The following CR1 variants were observed in gnomAD, a reference collection of about 807,000 sequenced individuals.
CR1 encodes the protein complement C3b/C4b receptor 1 (Knops blood group).
CR1 carries 116 observed loss-of-function variants against 187.3 expected under a neutral mutation model. The ratio of observed to expected loss-of-function variants is 0.62; its 90% confidence interval spans 0.53 to 0.72. CR1 has a LOEUF of 0.72. CR1 is among the 30% of genes least tolerant of loss of function. The pLI is 0.00. For synonymous variants in CR1, 576 were observed against 747.1 expected (o/e 0.77, Z 3.73); for missense variants, 1,731 against 2,110.7 (o/e 0.82, Z 3.52).
chr1:207,515,333 G>T (rs1326571254), intron 4 of CR1, among the ~76,000 whole-genome samples: 1 of 149,898 alleles, frequency 6.7e-6, no homozygotes. Context: ...TATATAGTGT[G>T]TATATATGCA....
At chr1:207,511,166 A>G (rs542646238) in intron 3 of CR1, among the ~76,000 whole-genome samples, 2 of 152,152 alleles carry the variant, frequency 1.3e-5, no homozygotes, top group African/African-American at 4.8e-5. Flanking sequence ...AAGCCCATCC[A>G]TGCATCCATG....
intron 29 of CR1, 147 bp downstream of exon 29, chr1:207,578,350 G>T: frequency 2.0e-6 from 3 of 1,513,500 alleles, no homozygotes; most frequent in South Asian, 1.3e-5. Flanking sequence ...ATTAAGAATT[G>T]GGGGTGTGCA....
intron 35 of CR1, among the ~76,000 whole-genome samples, chr1:207,602,144 T>C (rs1428594550): frequency 1.3e-5 from 2 of 152,094 alleles, no homozygotes; most frequent in African/African-American, 2.4e-5. Flanking sequence ...ATGTATAAAA[T>C]AATTTGTGGA....
chr1:207,500,269 C>G lies in CR1; in HGVS notation c.121+3881C>G, dbSNP rs143708487. ...TACATTTCAAAAATTTATATTGAGG[C>G]ATATAATTTATGTTCGTGTACATAT... On this transcript the variant is annotated intron_variant, in intron 1 of 46. Coordinates refer to ENST00000367049, the MANE Select transcript of CR1 (RefSeq NM_000651.6). Among the ~76,000 whole-genome samples, 8 of 152,098 alleles carry G rather than the reference C, an allele frequency of 5.3e-5. No individual in the cohort carries two copies. The East Asian group carries it at 1.5e-3, about 29-fold the overall frequency.
intron 3 of CR1, among the ~76,000 whole-genome samples, chr1:207,509,120 T>G (rs1659538436): frequency 6.6e-6 from 1 of 152,162 alleles, no homozygotes. Flanking sequence ...TCCTAACCTA[T>G]CCACCTGGTT....
intron 28 of CR1, among the ~76,000 whole-genome samples, chr1:207,575,897 C>G (rs1468726405): frequency 6.6e-6 from 1 of 151,930 alleles, no homozygotes; most frequent in East Asian, 1.9e-4. Context: ...GTATTTTAAA[C>G]TAGTCTTTAG....
chr1:207,623,580 A>ACCAAGATTGTTG (rs1382155228), intron 45 of CR1, among the ~76,000 whole-genome samples: 1 of 143,712 alleles, frequency 7.0e-6, no homozygotes, highest in Non-Finnish European at 1.5e-5. Flanking sequence ...GTGAGACTAC[A>ACCAAGATTGTTG]TCTCAAAACA....
At position 207,618,151 on chromosome 1, in the gene CR1, A is replaced by G; in HGVS notation, c.6970A>G (p.Ser2324Gly). The G allele has an allele frequency of 6.2e-7, 1 of 1,613,980 alleles. No individual in the cohort carries two copies. The highest frequency in any genetic ancestry group is 8.5e-7 in the Non-Finnish European group (1 of 1,179,878). The change falls in exon 42 of 47, where the codon AGC becomes GGC. Residue 2324 changes from serine (S) to glycine (G), a missense_variant. Physicochemically the swap from Ser to Gly is moderately conservative, Grantham distance 56. This residue lies in a region of CR1 where 1,312 missense variants were observed against 1,379.6 expected (regional missense o/e 0.95). Transcript: ENST00000367049. ...TCTATATCTTCCTGGGATGACAATC[A>G]GCTACATTTGTGACCCCGGCTACCT... ...VSLYLPGMTI[S>G]YICDPGYLLV...
intron 27 of CR1, among the ~76,000 whole-genome samples, chr1:207,574,339 C>T (rs1332676923): frequency 6.6e-6 from 1 of 152,152 alleles, no homozygotes; most frequent in African/African-American, 2.4e-5. Flanking sequence ...ATTGACACCA[C>T]ATTGATTCTA....
chr1:207,591,517 C>T (rs532424011), intron 35 of CR1, among the ~76,000 whole-genome samples: 23 of 152,204 alleles, frequency 1.5e-4, no homozygotes, highest in South Asian at 4.2e-4. Flanking sequence ...CTAAAATCGA[C>T]GCCCTGACAT....
At chr1:207,591,729 T>A (rs530568981) in intron 35 of CR1, among the ~76,000 whole-genome samples, 1 of 151,328 alleles carries the variant, frequency 6.6e-6, no homozygotes, top group African/African-American at 2.4e-5. Context: ...GAGAGAAGAA[T>A]CAAATAGACA....
intron 1 of CR1, among the ~76,000 whole-genome samples, chr1:207,504,665 T>C (rs1659374792): frequency 6.6e-6 from 1 of 152,142 alleles, no homozygotes; most frequent in African/African-American, 2.4e-5. Flanking sequence ...TTAACTAAAT[T>C]TTGAAGCTGT....
rs1290024838 is a variant in CR1, at chr1:207,567,753, G to A, written c.3953-71G>A. 167 of 1,589,616 alleles carry A rather than the reference G, an allele frequency of 1.1e-4. 4 individuals carry two copies. Among genetic ancestry groups the A allele is most frequent in the South Asian group, 7.0e-4 (63 of 89,924 alleles). On this transcript the variant is annotated intron_variant, in intron 24 of 46. Transcript: ENST00000367049. ...CATATTTTCAGCAACACCAATCATA[G>A]CACCCTGTAATTGCAGAATACCTCT...
At chr1:207,601,370 G>A (rs1661600333) in intron 35 of CR1, among the ~76,000 whole-genome samples, 1 of 152,076 alleles carries the variant, frequency 6.6e-6, no homozygotes, top group Non-Finnish European at 1.5e-5. Flanking sequence ...TTTAAAATAG[G>A]CAGAATTGCT....
intron 31 of CR1, among the ~76,000 whole-genome samples, chr1:207,581,144 A>G (rs954784190): frequency 2.0e-5 from 3 of 152,112 alleles, no homozygotes; most frequent in Non-Finnish European, 4.4e-5. Flanking sequence ...ATGGACACGT[A>G]TATGTATACG....
In CR1 at chr1:207,593,084, C is replaced by CAA. The variant is rs57700679; in HGVS notation, c.5810+4328_5810+4329dup. ...ACCAATGGCTTTCTTCACAGAATTA[C>CAA]AAAAAAAAAAAAAAAAAAACTACTT... On this transcript the variant is annotated intron_variant, in intron 35 of 46. Transcript: ENST00000367049. Among the ~76,000 whole-genome samples the CAA allele has an allele frequency of 0.017, 1,386 of 83,064 alleles. 150 individuals carry two copies. In the East Asian group the frequency reaches 0.26, roughly 15 times the overall value. 54.5% of individuals were successfully genotyped at this position (83,064 alleles called of 152,430 possible). A position where few individuals can be genotyped will look rare whatever the true frequency, so the allele number is the denominator to read the frequency against.
At chr1:207,577,452 G>C (rs1660787332) in intron 28 of CR1, among the ~76,000 whole-genome samples, 1 of 152,108 alleles carries the variant, frequency 6.6e-6, no homozygotes, top group Non-Finnish European at 1.5e-5. Flanking sequence ...AAAACTGTTA[G>C]CAAAATTTAC....
intron 45 of CR1, among the ~76,000 whole-genome samples, chr1:207,627,659 C>G (rs1025137236): frequency 1.3e-5 from 2 of 152,184 alleles, no homozygotes; most frequent in Non-Finnish European, 2.9e-5. Flanking sequence ...GCCTATAGTC[C>G]CAGCTATCTG....
At chr1:207,623,140 A>G in intron 45 of CR1, 72 bp downstream of exon 45, 1 of 1,091,186 alleles carries the variant, frequency 9.2e-7, no homozygotes, top group Non-Finnish European at 1.3e-6. Flanking sequence ...AAGAAAGTAA[A>G]AGACAAACAA....
Sources: gnomAD v4.1 joint callset for allele counts (sites outside exome capture counted in the v4.1 genomes callset) on GRCh38, gnomAD v4.1.1 for gene constraint, gnomAD v4.1.1 regional missense constraint, MANE v1.5 for transcripts, NCBI Gene and HGNC (gene_info 2026-07-23, HGNC 2026-07-21) for gene names.